The following LOC112694756 variants were observed in gnomAD, a reference collection of about 807,000 sequenced individuals.
At chr16:30,068,805 C>T in the LOC112694756 span, 1 of 1,614,212 alleles carries the variant, frequency 6.2e-7, no homozygotes, top group East Asian at 2.2e-5. Flanking sequence ...CTGACCCCTT[C>T]CTCTTCTCTT....
the LOC112694756 span, chr16:30,070,038 AGGCAGGAGGTG>A: frequency 6.2e-7 from 1 of 1,613,670 alleles, no homozygotes; most frequent in Non-Finnish European, 8.5e-7. Context: ...TGGTAAGGAT[AGGCAGGAGGTG>A]GGCAGGGTGC....
At chr16:30,068,781 C>T in the LOC112694756 span, 1 of 1,614,234 alleles carries the variant, frequency 6.2e-7, no homozygotes, top group Non-Finnish European at 8.5e-7. Context: ...CCACATGCCC[C>T]TCCCCACCGT....
At chr16:30,061,131 A>G in the LOC112694756 span, among the ~76,000 whole-genome samples, 2 of 152,256 alleles carry the variant, frequency 1.3e-5, no homozygotes, top group Non-Finnish European at 2.9e-5. Context: ...ACTCCAGCCC[A>G]TGCCTAAGGC....
chr16:30,066,735 T>A, the LOC112694756 span: 1 of 829,832 alleles, frequency 1.2e-6, no homozygotes. Context: ...AAGAGCTGGG[T>A]TCTAATCTCA....
the LOC112694756 span, chr16:30,058,828 T>G: frequency 1.3e-5 from 5 of 391,144 alleles, no homozygotes; most frequent in Middle Eastern, 1.3e-3. Flanking sequence ...CATTCATTCA[T>G]TCATTCATTC....
chr16:30,068,987 G>T, the LOC112694756 span: 1 of 1,614,198 alleles, frequency 6.2e-7, no homozygotes, highest in Non-Finnish European at 8.5e-7. Context: ...AGGTGGGCCT[G>T]CAGGTCCTCA....
At chr16:30,061,324 C>T in the LOC112694756 span, among the ~76,000 whole-genome samples, 2 of 152,206 alleles carry the variant, frequency 1.3e-5, no homozygotes, top group African/African-American at 4.8e-5. Flanking sequence ...TGCTTAGATT[C>T]ATCCATTCAT....
the LOC112694756 span, among the ~76,000 whole-genome samples, chr16:30,053,664 C>T: frequency 6.6e-6 from 1 of 152,188 alleles, no homozygotes; most frequent in Non-Finnish European, 1.5e-5. Context: ...GAATGGACTT[C>T]CCACGGGAGG....
chr16:30,061,082 TCA>T, the LOC112694756 span, among the ~76,000 whole-genome samples: 2 of 152,250 alleles, frequency 1.3e-5, no homozygotes, highest in African/African-American at 2.4e-5. Flanking sequence ...CAATCTTCTG[TCA>T]CACAGCCATC....
At chr16:30,064,056 A>G in the LOC112694756 span, 1 of 399,068 alleles carries the variant, frequency 2.5e-6, no homozygotes, top group Non-Finnish European at 4.4e-6. Flanking sequence ...CAGAAAAGAG[A>G]GGGGCTAGTG....
chr16:30,069,074 A>C, the LOC112694756 span: 275 of 1,563,656 alleles, frequency 1.8e-4, 1 homozygote, highest in Non-Finnish European at 2.4e-4. Context: ...ACCTCCCCAA[A>C]AGCAAGCATT....
the LOC112694756 span, chr16:30,068,488 A>C: frequency 1.1e-5 from 9 of 805,116 alleles, no homozygotes; most frequent in Non-Finnish European, 1.9e-5. Context: ...GGGCACGCCC[A>C]GCTACCTAGG....
chr16:30,062,865 G>A, the LOC112694756 span, among the ~76,000 whole-genome samples: 3 of 150,962 alleles, frequency 2.0e-5, no homozygotes, highest in Non-Finnish European at 4.4e-5. Flanking sequence ...AAAAATGGCC[G>A]GGCACAGTTG....
chr16:30,068,911 C>A, the LOC112694756 span: 1 of 1,614,250 alleles, frequency 6.2e-7, no homozygotes. Flanking sequence ...GGGGAACACA[C>A]CCCCTCAGCC....
the LOC112694756 span, chr16:30,055,091 AC>A: frequency 2.5e-6 from 1 of 398,542 alleles, no homozygotes; most frequent in Non-Finnish European, 4.4e-6. Flanking sequence ...CCCCAGCCAA[AC>A]CTTTTCCTTT....
At chr16:30,069,034 T>C in the LOC112694756 span, 2 of 1,610,780 alleles carry the variant, frequency 1.2e-6, no homozygotes, top group Admixed American at 3.3e-5. Context: ...TCCAGTGTTG[T>C]TAATTTGCCT....
chr16:30,064,771 C>G, the LOC112694756 span: 1 of 178,000 alleles, frequency 5.6e-6, no homozygotes, highest in Non-Finnish European at 1.2e-5. Context: ...CCGGCTCCTT[C>G]GGCCTCGCCG....
chr16:30,064,165 T>C, the LOC112694756 span: 50 of 398,232 alleles, frequency 1.3e-4, no homozygotes, highest in Non-Finnish European at 5.7e-5. Context: ...ACAAGTGTTA[T>C]AGGAGGAGTC....
At chr16:30,069,511 G>C in the LOC112694756 span, 56 of 1,614,130 alleles carry the variant, frequency 3.5e-5, no homozygotes, top group African/African-American at 7.2e-4. Context: ...GCTGGCTGCT[G>C]TCTACAAGGC....
Sources: allele counts gnomAD v4.1 joint callset (sites outside exome capture counted in the v4.1 genomes callset), GRCh38; gene constraint gnomAD v4.1.1; transcripts MANE v1.5.